The following CERS6 variants were observed in gnomAD, a reference collection of about 807,000 sequenced individuals.
CERS6 encodes the protein LAG1 homolog, ceramide synthase 6.
In CERS6, 26 loss-of-function variants were observed where a neutral mutation model predicts 56.8. The observed-to-expected ratio is 0.46, with a 90% CI of 0.34 to 0.63. CERS6 has a LOEUF of 0.63. CERS6 is among the 30% of genes least tolerant of loss of function. CERS6 has a pLI of 0.01. For synonymous variants in CERS6, 164 were observed against 173.3 expected (o/e 0.95, Z 0.42); for missense variants, 415 against 467.5 (o/e 0.89, Z 1.04).
At chr2:168,494,509 G>C (rs1041215824) in intron 1 of CERS6, among the ~76,000 whole-genome samples, 1 of 152,178 alleles carries the variant, frequency 6.6e-6, no homozygotes, top group Non-Finnish European at 1.5e-5. Flanking sequence ...CACTGTAAAT[G>C]CTTGTTAAAT....
intron 8 of CERS6, among the ~76,000 whole-genome samples, chr2:168,736,269 A>G (rs572141972): frequency 6.6e-6 from 1 of 152,326 alleles, no homozygotes; most frequent in Admixed American, 6.5e-5. Flanking sequence ...CACTGTGTCT[A>G]TTTCATTTGA....
chr2:168,460,533 A>G (rs376097303), intron 1 of CERS6, among the ~76,000 whole-genome samples: 37 of 152,162 alleles, frequency 2.4e-4, no homozygotes, highest in African/African-American at 6.3e-4. Flanking sequence ...ATTGTAGTCA[A>G]TGGTTTTGTT....
chr2:168,547,566 C>G, intron 1 of CERS6, 30 bp from the exon 2 acceptor site: 1 of 1,393,690 alleles, frequency 7.2e-7, no homozygotes, highest in Non-Finnish European at 1.0e-6. Context: ...AAATTCTGAC[C>G]TTCTACTTTT....
intron 4 of CERS6, among the ~76,000 whole-genome samples, chr2:168,645,333 A>G (rs1685172397): frequency 6.6e-6 from 1 of 150,392 alleles, no homozygotes. Flanking sequence ...CTTTTCCCAC[A>G]GAGATGAGAA....
chr2:168,710,681 T>C (rs1687067727), intron 6 of CERS6, among the ~76,000 whole-genome samples: 1 of 152,264 alleles, frequency 6.6e-6, no homozygotes, highest in South Asian at 2.1e-4. Context: ...TTTTATTGTA[T>C]GTCTAAGGCA....
intron 4 of CERS6, among the ~76,000 whole-genome samples, chr2:168,658,431 CT>C (rs1370582287): frequency 6.6e-6 from 1 of 152,164 alleles, no homozygotes; most frequent in Non-Finnish European, 1.5e-5. Flanking sequence ...CCATTATTCT[CT>C]TTAGATTGTA....
intron 7 of CERS6, 133 bp downstream of exon 7, chr2:168,715,262 G>GT: frequency 1.6e-6 from 1 of 613,084 alleles, no homozygotes; most frequent in South Asian, 3.6e-5. Context: ...ACTGCAGAGT[G>GT]TTTCTTTGTA....
chr2:168,739,888 T>G (rs1683841733), intron 8 of CERS6, among the ~76,000 whole-genome samples: 1 of 151,974 alleles, frequency 6.6e-6, no homozygotes, highest in African/African-American at 2.4e-5. Context: ...TTTTGTATTT[T>G]TAGTAGAGAT....
intron 1 of CERS6, among the ~76,000 whole-genome samples, chr2:168,526,287 T>C (rs191451571): frequency 3.3e-4 from 50 of 152,354 alleles, no homozygotes; most frequent in Non-Finnish European, 6.0e-4. Flanking sequence ...AGGCCTCTTA[T>C]TTGAGCTTCT....
At chr2:168,477,173 C>CAGAG (rs10609883) in intron 1 of CERS6, among the ~76,000 whole-genome samples, 2,512 of 115,440 alleles carry the variant, frequency 0.022, 77 homozygotes, top group East Asian at 0.063. Flanking sequence ...GAGGGAGAGA[C>CAGAG]AGAGAGAGAG....
chr2:168,749,254 G>GT (rs1684191519), intron 8 of CERS6, among the ~76,000 whole-genome samples: 1 of 151,072 alleles, frequency 6.6e-6, no homozygotes, highest in South Asian at 2.1e-4. Flanking sequence ...CATACTATTT[G>GT]TTTAAGTTGA....
chr2:168,735,530 CGAGTACA>C (rs1559073095), intron 8 of CERS6, among the ~76,000 whole-genome samples: 2 of 151,898 alleles, frequency 1.3e-5, no homozygotes, highest in African/African-American at 4.8e-5. Flanking sequence ...AAACAGTTTC[CGAGTACA>C]GAGTATGAAG....
In CERS6 at chr2:168,669,410, C is replaced by T. The variant is rs1416387494; in HGVS notation, c.466-21624C>T. 2.6e-5 allele frequency among the ~76,000 whole-genome samples: 4 copies of T among 152,124 alleles called. No homozygotes were observed. In the East Asian group the frequency reaches 7.7e-4, roughly 29 times the overall value. On this transcript the variant is annotated intron_variant, in intron 4 of 9. Coordinates refer to ENST00000305747, the MANE Select transcript of CERS6 (RefSeq NM_203463.3). ...TGAGTCACAGGGCCCTATCTAACTG[C>T]AAGAAGGCTGAGAATTGTCATCTTT...
At chr2:168,703,949 C>T (rs534365892) in intron 6 of CERS6, among the ~76,000 whole-genome samples, 1 of 152,148 alleles carries the variant, frequency 6.6e-6, no homozygotes, top group Non-Finnish European at 1.5e-5. Flanking sequence ...AATAAGCTAC[C>T]ATTTGTGATC....
At chr2:168,681,568 A>G (rs1040413295) in intron 4 of CERS6, among the ~76,000 whole-genome samples, 2 of 152,192 alleles carry the variant, frequency 1.3e-5, no homozygotes, top group Admixed American at 1.3e-4. Flanking sequence ...GTACATGTAT[A>G]TAATGCATAA....
At position 168,561,444 on chromosome 2, in the gene CERS6, A is replaced by G. The variant is rs766605540; in HGVS notation, c.407+122A>G. The G allele has an allele frequency of 1.8e-4, 192 of 1,046,316 alleles. 1 individual carries two copies. The highest frequency in any genetic ancestry group is 2.4e-4 in the Non-Finnish European group (178 of 730,180). The allele number at this position is 1,046,316 out of a possible 1,614,324, so 64.8% of individuals were successfully genotyped here. On this transcript the variant is annotated intron_variant, in intron 3 of 9. Coordinates refer to ENST00000305747, the MANE Select transcript of CERS6 (RefSeq NM_203463.3). The stretch of plus-strand genomic sequence containing the variant: ...TAAAAAGCTGCAATCTGGTGGGAAA[A>G]TAGTTCAGGAAAAACACAGGAAACA...
rs376775078 is a variant in CERS6 at position 168,769,626 on chromosome 2, G to T, written c.1119G>T (p.Gly373=). ...TTTNGTSGTN[G]YLLTGSCSMD... is the part of the protein sequence containing the mutation. The stretch of plus-strand genomic sequence containing the variant: ...CCAATGGGACCAGTGGTACCAACGG[G>T]TATCTCCTGACTGGCTCCTGCTCCA... The change falls in exon 10 of 10, where the codon GGG becomes GGT. Residue 373 remains glycine (G), a synonymous_variant. Coordinates refer to ENST00000305747, the MANE Select transcript of CERS6 (RefSeq NM_203463.3). 1.1e-4 allele frequency: 179 copies of T among 1,611,554 alleles called. No individual in the cohort carries two copies. The highest frequency in any genetic ancestry group is 1.4e-4 in the Non-Finnish European group (163 of 1,179,258).
intron 1 of CERS6, among the ~76,000 whole-genome samples, chr2:168,517,720 C>A (rs940506500): frequency 7.9e-5 from 12 of 151,874 alleles, no homozygotes; most frequent in African/African-American, 2.9e-4. Context: ...ACTTAAAAAT[C>A]CTGCAAAATT....
At chr2:168,711,263 CCAG>C (rs1687081432) in intron 6 of CERS6, among the ~76,000 whole-genome samples, 1 of 152,166 alleles carries the variant, frequency 6.6e-6, no homozygotes, top group African/African-American at 2.4e-5. Flanking sequence ...AGTGACATCA[CCAG>C]CTACTCAGCT....
Sources: allele counts gnomAD v4.1 joint callset (sites outside exome capture counted in the v4.1 genomes callset), GRCh38; gene constraint gnomAD v4.1.1; transcripts MANE v1.5; gene names NCBI Gene and HGNC (gene_info 2026-07-23, HGNC 2026-07-21).